The following TMEM209 variants were observed in gnomAD, a reference collection of about 807,000 sequenced individuals.
TMEM209 encodes testicular tissue protein Li 202.
A neutral mutation model predicts 76.2 loss-of-function variants in TMEM209; 65 were observed. The observed-to-expected ratio is 0.85, with a 90% CI of 0.70 to 1.05. TMEM209 has a LOEUF of 1.05. TMEM209 is among the 50% of genes least tolerant of loss of function. The probability of loss-of-function intolerance (pLI) is 0.00; values close to 1 mark genes in which losing one functional copy is unlikely to be tolerated. For missense variants in TMEM209, 623 were observed against 685.5 expected (o/e 0.91, Z 1.02); for synonymous variants, 239 against 237.6 (o/e 1.01, Z -0.06).
chr7:130,180,515 C>T (rs1797376479), intron 9 of TMEM209, among the ~76,000 whole-genome samples: 1 of 151,902 alleles, frequency 6.6e-6, no homozygotes, highest in Non-Finnish European at 1.5e-5. Context: ...ATTATAGGCG[C>T]CTGCCACCAT....
rs1415601039 is a variant in TMEM209, at chr7:130,204,008, T to G, written c.106A>C (p.Asn36His). 6.2e-7 allele frequency: 1 copy of G among 1,613,844 alleles called. No homozygotes were observed. The highest frequency in any genetic ancestry group is 1.7e-5 in the Admixed American group (1 of 60,010). The part of the protein sequence containing the change: ...RKVVLAWGLL[N>H]VSMAGMIYTE... ...TATATCATTCCAGCCATAGATACAT[T>G]TAGGAGTCCCCAGGCTAAGACCACT... The change falls in exon 2 of 15, where the codon AAT becomes CAT. Residue 36 changes from asparagine to histidine, a missense_variant. Physicochemically the swap from Asn to His is moderately conservative, Grantham distance 68. Transcript: ENST00000397622.
At chr7:130,202,753 T>C (rs1402290929) in intron 3 of TMEM209, 90 bp from the exon 4 acceptor site, 2 of 1,350,506 alleles carry the variant, frequency 1.5e-6, no homozygotes, top group Non-Finnish European at 2.0e-6. Context: ...CAAACTAAAA[T>C]TACCTTCTTA....
chr7:130,190,621 G>T (rs1584686705), intron 6 of TMEM209, among the ~76,000 whole-genome samples: 2 of 150,952 alleles, frequency 1.3e-5, no homozygotes, highest in Admixed American at 6.6e-5. Flanking sequence ...TAGAAGAAAT[G>T]ATGAAATTGG....
intron 7 of TMEM209, among the ~76,000 whole-genome samples, chr7:130,184,511 G>C (rs1174240366): frequency 2.2e-5 from 2 of 90,082 alleles, no homozygotes; most frequent in African/African-American, 8.5e-5. Context: ...TTTTTTTTTT[G>C]AGATGGAGTC....
chr7:130,204,152 T>C, intron 1 of TMEM209, 42 bp from the exon 2 acceptor site: 1 of 1,558,112 alleles, frequency 6.4e-7, no homozygotes, highest in East Asian at 2.3e-5. Flanking sequence ...CAGAAGAAAC[T>C]ATTGCTCCAT....
At chr7:130,172,510 T>A (rs544567972) in intron 13 of TMEM209, among the ~76,000 whole-genome samples, 102 of 151,882 alleles carry the variant, frequency 6.7e-4, no homozygotes, top group African/African-American at 2.4e-3. Flanking sequence ...GCCCGGATAA[T>A]TTTTTTTGTA....
intron 8 of TMEM209, among the ~76,000 whole-genome samples, chr7:130,182,523 T>C (rs989529168): frequency 6.6e-6 from 1 of 152,224 alleles, no homozygotes; most frequent in Non-Finnish European, 1.5e-5. Flanking sequence ...CAGAGACTTA[T>C]TACATTTGAA....
Position 130,192,888 on chromosome 7 carries a change from TGACTTAAGTAA to T in TMEM209, c.574-76_574-66del. On this transcript the variant is annotated intron_variant, in intron 5 of 14. Coordinates refer to ENST00000397622, the MANE Select transcript of TMEM209 (RefSeq NM_032842.4). ...TTGAAATTCATTTTGTTTTGGTTTT[TGACTTAAGTAA>T]AACACCTAGTAGAATGGCGAAAATC... is the stretch of plus-strand genomic sequence containing the variant. The T allele has an allele frequency of 2.0e-6, 3 of 1,521,856 alleles. No individual in the cohort carries two copies. The South Asian group carries it at 3.6e-5, about 18-fold the overall frequency. 94.3% of individuals were successfully genotyped at this position (1,521,856 alleles called of 1,614,324 possible). A position where few individuals can be genotyped will look rare whatever the true frequency, so the allele number is the denominator to read the frequency against.
At position 130,187,366 on chromosome 7, in the gene TMEM209, A is replaced by C. The variant is rs191544175; in HGVS notation, c.776-1999T>G. 2.0e-5 allele frequency among the ~76,000 whole-genome samples: 3 copies of C among 152,268 alleles called. No individual in the cohort carries two copies. The East Asian group carries it at 5.8e-4, about 29-fold the overall frequency. On this transcript the variant is annotated intron_variant, in intron 6 of 14. Coordinates refer to ENST00000397622, the MANE Select transcript of TMEM209 (RefSeq NM_032842.4). ...AAAATGAAAAGAGAATTAAAAATCT[A>C]AATAGCCTGTAAGAGGCTGCTGTGG...
At chr7:130,172,777 C>T (rs1409643301) in intron 13 of TMEM209, among the ~76,000 whole-genome samples, 7 of 151,650 alleles carry the variant, frequency 4.6e-5, no homozygotes, top group Admixed American at 2.0e-4. Context: ...GGTGGGCAGA[C>T]TGCCTGAGCT....
chr7:130,192,932 C>T (rs773295746), intron 5 of TMEM209, 109 bp from the exon 6 acceptor site: 12 of 988,062 alleles, frequency 1.2e-5, no homozygotes, highest in Non-Finnish European at 1.5e-5. Context: ...ATCCACAATA[C>T]TGACAACATC....
At chr7:130,171,868 A>G (rs890292158) in intron 13 of TMEM209, among the ~76,000 whole-genome samples, 1 of 152,016 alleles carries the variant, frequency 6.6e-6, no homozygotes, top group Non-Finnish European at 1.5e-5. Context: ...GTCTCTTACT[A>G]AAAATACAAA....
At chr7:130,189,187 T>A (rs34876355) in intron 6 of TMEM209, among the ~76,000 whole-genome samples, 4 of 152,126 alleles carry the variant, frequency 2.6e-5, no homozygotes, top group Non-Finnish European at 4.4e-5. Context: ...AATCATATTG[T>A]CATTATTCAT....
intron 3 of TMEM209, 53 bp downstream of exon 3, chr7:130,203,735 G>T: frequency 6.9e-7 from 1 of 1,449,426 alleles, no homozygotes; most frequent in South Asian, 1.3e-5. Context: ...AATTAAACCT[G>T]AAGGCAGTTT....
chr7:130,185,300 A>C lies in TMEM209; in HGVS notation c.843T>G (p.Asp281Glu). ...GAAACTTCTTTAAAGTTTGTGCATA[A>C]TCCCCCATAGAACGACTATAGTTCC... The part of the protein sequence containing the change: ...TFWNYSRSMG[D>E]YAQTLKKFQY... Residue 281 changes from aspartate to glutamate, a missense_variant, in exon 7 of 15, where the codon GAT (aspartate) becomes GAG (glutamate). Physicochemically the swap from Asp to Glu is conservative, Grantham distance 45. Transcript: ENST00000397622. The C allele has an allele frequency of 6.2e-7, 1 of 1,614,010 alleles. No individual in the cohort carries two copies. The highest frequency in any genetic ancestry group is 8.5e-7 in the Non-Finnish European group (1 of 1,179,880).
intron 5 of TMEM209, among the ~76,000 whole-genome samples, chr7:130,197,056 A>G (rs1255145283): frequency 6.6e-6 from 1 of 152,174 alleles, no homozygotes; most frequent in Non-Finnish European, 1.5e-5. Flanking sequence ...GCAAGACCCC[A>G]TCTCTACCAA....
chr7:130,185,327 G>A lies in TMEM209; in HGVS notation c.816C>T (p.Phe272=). ...CCCCCATAGAACGACTATAGTTCCA[G>A]AAAGTAGGACTGCTGGAAGGAGAGG... The part of the protein sequence containing the change: ...DSTSPSSSPT[F]WNYSRSMGDY... Residue 272 remains phenylalanine, a synonymous_variant, in exon 7 of 15, where the codon TTC becomes TTT. Transcript: ENST00000397622. 6.2e-7 allele frequency: 1 copy of A among 1,613,932 alleles called. No homozygotes were observed. The highest frequency in any genetic ancestry group is 8.5e-7 in the Non-Finnish European group (1 of 1,179,860).
chr7:130,175,225 G>A (rs1731523530), intron 11 of TMEM209: 1 of 290,046 alleles, frequency 3.4e-6, no homozygotes, highest in Non-Finnish European at 6.3e-6. Flanking sequence ...ACTTTGGGAA[G>A]CTGAGGCAGG....
intron 3 of TMEM209, 64 bp downstream of exon 3, chr7:130,203,724 G>T: frequency 7.3e-7 from 1 of 1,367,824 alleles, no homozygotes; most frequent in Non-Finnish European, 1.0e-6. Context: ...ATACTAAGCT[G>T]AATTAAACCT....
Sources: allele counts gnomAD v4.1 joint callset (sites outside exome capture counted in the v4.1 genomes callset), GRCh38; gene constraint gnomAD v4.1.1; transcripts MANE v1.5; gene names NCBI Gene and HGNC (gene_info 2026-07-23, HGNC 2026-07-21).